The following PDE4D variants were observed in gnomAD, a reference collection of about 807,000 sequenced individuals.
PDE4D encodes the protein phosphodiesterase 4D, also known as 3',5'-cyclic-AMP phosphodiesterase 4D.
In PDE4D, 24 loss-of-function variants were observed where a neutral mutation model predicts 87.4. That is an observed-to-expected ratio of 0.27 (90% CI 0.20 to 0.39). PDE4D has a LOEUF of 0.39. Ranked by LOEUF, PDE4D falls within the 10% of genes least tolerant of loss-of-function variation. PDE4D has a pLI of 1.00. For missense variants in PDE4D, 714 were observed against 1,041.0 expected, an observed-to-expected ratio of 0.69 and a Z score of 4.32; for synonymous variants, 384 against 383.2, an observed-to-expected ratio of 1.00 and a Z score of -0.02.
At chr5:59,922,479 A>G (rs1754779760) in intron 3 of PDE4D, among the ~76,000 whole-genome samples, 1 of 152,104 alleles carries the variant, frequency 6.6e-6, no homozygotes, top group Non-Finnish European at 1.5e-5. Flanking sequence ...AGGGAAGAGT[A>G]GAGGCCTTTG....
intron 1 of PDE4D, among the ~76,000 whole-genome samples, chr5:59,353,246 T>C (rs996500282): frequency 2.0e-5 from 3 of 152,142 alleles, no homozygotes; most frequent in African/African-American, 4.8e-5. Context: ...TAAGCAATAA[T>C]ATATTTTAAA....
At chr5:59,852,720 C>G (rs1744861743) in intron 1 of PDE4D, among the ~76,000 whole-genome samples, 1 of 151,680 alleles carries the variant, frequency 6.6e-6, no homozygotes, top group South Asian at 2.1e-4. Context: ...GTATATGCAG[C>G]AATAGGTAAC....
chr5:60,472,954 C>T (rs141331925), intron 1 of PDE4D, among the ~76,000 whole-genome samples: 1,807 of 151,890 alleles, frequency 0.012, 21 homozygotes, highest in Non-Finnish European at 0.019. Flanking sequence ...ATAGGTTAGG[C>T]ATATTAAATG....
intron 1 of PDE4D, among the ~76,000 whole-genome samples, chr5:59,231,472 T>C (rs1755170494): frequency 6.6e-6 from 1 of 152,202 alleles, no homozygotes; most frequent in African/African-American, 2.4e-5. Context: ...CTAAAGATGC[T>C]GATGCGTGAA....
chr5:59,172,333 AATATATT>A (rs1226532557), intron 5 of PDE4D, among the ~76,000 whole-genome samples: 228 of 133,528 alleles, frequency 1.7e-3, no homozygotes, highest in African/African-American at 5.2e-3. Flanking sequence ...TATAATATAT[AATATATT>A]ATATATTATA....
intron 6 of PDE4D, among the ~76,000 whole-genome samples, chr5:58,994,135 A>T (rs533466143): frequency 6.6e-6 from 1 of 152,354 alleles, no homozygotes; most frequent in African/African-American, 2.4e-5. Context: ...AAGTAAGAGT[A>T]TAACACTTAT....
intron 1 of PDE4D, among the ~76,000 whole-genome samples, chr5:60,456,515 A>G (rs1746478253): frequency 6.6e-6 from 1 of 152,214 alleles, no homozygotes; most frequent in Admixed American, 6.5e-5. Context: ...ACTGTAACTC[A>G]GGTGGTCAAA....
At chr5:60,000,587 T>C (rs1763929150) in intron 2 of PDE4D, among the ~76,000 whole-genome samples, 1 of 152,134 alleles carries the variant, frequency 6.6e-6, no homozygotes, top group Non-Finnish European at 1.5e-5. Context: ...TCCTTTGAGT[T>C]GAGACAAAGT....
chr5:59,685,536 CCT>C (rs1329010184), intron 1 of PDE4D, among the ~76,000 whole-genome samples: 2 of 151,986 alleles, frequency 1.3e-5, no homozygotes, highest in Admixed American at 6.6e-5. Context: ...AAAAATTTTC[CCT>C]GTTTGAAAGC....
intron 5 of PDE4D, among the ~76,000 whole-genome samples, chr5:59,067,820 A>T (rs1044514329): frequency 1.3e-5 from 2 of 152,204 alleles, no homozygotes; most frequent in African/African-American, 4.8e-5. Context: ...TTTTCATTTA[A>T]AAGAAAACAA....
intron 2 of PDE4D, among the ~76,000 whole-genome samples, chr5:60,144,169 T>C (rs1444326419): frequency 6.6e-6 from 1 of 152,148 alleles, no homozygotes; most frequent in Non-Finnish European, 1.5e-5. Context: ...TTTGGTCACA[T>C]TGGAACTCAT....
intron 1 of PDE4D, among the ~76,000 whole-genome samples, chr5:59,520,246 G>C (rs1811951861): frequency 6.6e-6 from 1 of 152,204 alleles, no homozygotes; most frequent in African/African-American, 2.4e-5. Flanking sequence ...CTGGGCAACA[G>C]AGTGAGATTC....
chr5:59,917,410 T>C (rs1017000768), intron 3 of PDE4D, among the ~76,000 whole-genome samples: 1 of 152,108 alleles, frequency 6.6e-6, no homozygotes, highest in African/African-American at 2.4e-5. Flanking sequence ...GAAAAGAACT[T>C]TGCAGGGCAC....
At chr5:60,314,635 C>A (rs1426693195) in intron 1 of PDE4D, among the ~76,000 whole-genome samples, 2 of 152,006 alleles carry the variant, frequency 1.3e-5, no homozygotes, top group African/African-American at 2.4e-5. Context: ...ATCCCTCCCC[C>A]ACACCCCCAC....
At chr5:59,113,167 C>A (rs1277688063) in intron 5 of PDE4D, among the ~76,000 whole-genome samples, 1 of 152,064 alleles carries the variant, frequency 6.6e-6, no homozygotes, top group African/African-American at 2.4e-5. Context: ...AGACATTATA[C>A]CCAGTGATAC....
chr5:59,832,411 C>A (rs1741382186), intron 1 of PDE4D, among the ~76,000 whole-genome samples: 1 of 152,022 alleles, frequency 6.6e-6, no homozygotes, highest in Non-Finnish European at 1.5e-5. Context: ...TCAAAATGCT[C>A]TTTTTTGAAA....
At chr5:59,355,223 C>T (rs1398632829) in intron 1 of PDE4D, among the ~76,000 whole-genome samples, 1 of 152,118 alleles carries the variant, frequency 6.6e-6, no homozygotes, top group East Asian at 1.9e-4. Flanking sequence ...GTTACAATAC[C>T]ATAACACCTC....
At chr5:59,016,662 A>G (rs1308453733) in intron 6 of PDE4D, among the ~76,000 whole-genome samples, 2 of 151,834 alleles carry the variant, frequency 1.3e-5, no homozygotes, top group Admixed American at 1.3e-4. Context: ...TTACTACTGA[A>G]CTCTTGACAT....
intron 1 of PDE4D, among the ~76,000 whole-genome samples, chr5:60,274,570 A>G (rs11958536): frequency 4.6e-5 from 7 of 152,342 alleles, no homozygotes; most frequent in African/African-American, 1.7e-4. Flanking sequence ...CATGTTGGCC[A>G]GGCTGGTCAT....
Sources: gnomAD v4.1 joint callset for allele counts (sites outside exome capture counted in the v4.1 genomes callset) on GRCh38, gnomAD v4.1.1 for gene constraint, MANE v1.5 for transcripts, NCBI Gene and HGNC (gene_info 2026-07-23, HGNC 2026-07-21) for gene names.